PDSS1: variants seen among roughly 807,000 people sequenced by gnomAD.
PDSS1 encodes the protein decaprenyl diphosphate synthase subunit 1, also known as all trans-polyprenyl-diphosphate synthase PDSS1.
In PDSS1, 43 loss-of-function variants were observed where a neutral mutation model predicts 57.5. That is an observed-to-expected ratio of 0.75 (90% CI 0.59 to 0.96). PDSS1 has a LOEUF of 0.96. Among genes scored for constraint, PDSS1 ranks in the 50% least tolerant of loss-of-function variants. The pLI, the probability that PDSS1 is intolerant of heterozygous loss-of-function variation, is 0.00. For synonymous variants in PDSS1, 175 were observed against 191.3 expected (o/e 0.91, Z 0.70); for missense variants, 438 against 527.8 (o/e 0.83, Z 1.67).
Position 26,728,555 on chromosome 10 carries a change from G to A in PDSS1, c.831+4432G>A, listed in dbSNP as rs187107178. 6.9e-4 allele frequency among the ~76,000 whole-genome samples: 105 copies of A among 151,938 alleles called. 1 individual carries two copies. The highest frequency in any genetic ancestry group is 2.4e-3 in the African/African-American group (98 of 41,464). On this transcript the variant is annotated intron_variant, in intron 8 of 11. Transcript: ENST00000376215. ...AAATTACTATTTTAACCTATTTTGG[G>A]CAAAGTATTTTCAGATTATGTAAAT...
intron 8 of PDSS1, among the ~76,000 whole-genome samples, chr10:26,728,470 A>G (rs910053595): frequency 6.6e-6 from 1 of 151,984 alleles, no homozygotes; most frequent in Admixed American, 6.6e-5. Flanking sequence ...AGCCTGGGCA[A>G]CAAGAGTGAA....
intron 4 of PDSS1, 59 bp from the exon 5 acceptor site, chr10:26,709,579 C>T: frequency 1.7e-5 from 27 of 1,571,386 alleles, no homozygotes; most frequent in Non-Finnish European, 2.4e-5. Context: ...AAAAGAAATC[C>T]TGTTGGCTTT....
chr10:26,717,990 A>G (rs1835649572), intron 5 of PDSS1: 1 of 151,978 alleles, frequency 6.6e-6, no homozygotes, highest in African/African-American at 2.4e-5. Context: ...GTGGCTTAAA[A>G]CTCACCTGAA....
chr10:26,728,932 C>A (rs1836067280), intron 8 of PDSS1, among the ~76,000 whole-genome samples: 1 of 151,948 alleles, frequency 6.6e-6, no homozygotes, highest in South Asian at 2.1e-4. Context: ...GCGGCTGCCA[C>A]CATACCCGGA....
chr10:26,732,981 C>T (rs568101618), intron 8 of PDSS1, among the ~76,000 whole-genome samples: 14 of 152,118 alleles, frequency 9.2e-5, no homozygotes, highest in African/African-American at 2.7e-4. Flanking sequence ...TGGTGGCATA[C>T]GGAGGTTGAG....
At chr10:26,723,390 C>G (rs1350648627) in intron 6 of PDSS1, among the ~76,000 whole-genome samples, 1 of 152,136 alleles carries the variant, frequency 6.6e-6, no homozygotes, top group Non-Finnish European at 1.5e-5. Flanking sequence ...AAGCTGCTCT[C>G]CCTCTCCAGG....
chr10:26,737,264 C>G lies in PDSS1; in HGVS notation c.1026+1685C>G, dbSNP rs191039948. Among the ~76,000 whole-genome samples, 7 of 152,314 alleles carry G rather than the reference C, an allele frequency of 4.6e-5. No homozygotes were observed. In the East Asian group the frequency reaches 1.2e-3, roughly 25 times the overall value. On this transcript the variant is annotated intron_variant, in intron 10 of 11. Transcript: ENST00000376215. The stretch of plus-strand genomic sequence containing the variant: ...GAGTCCTACTTAAACCTTAAGGTGA[C>G]TGGGTGAGAGGAGGCTGGCCTCTTC...
intron 8 of PDSS1, among the ~76,000 whole-genome samples, chr10:26,731,234 G>A (rs1349455995): frequency 2.0e-5 from 3 of 152,138 alleles, no homozygotes; most frequent in Non-Finnish European, 4.4e-5. Context: ...CCAGCTACTC[G>A]GGAGGCTGAG....
intron 10 of PDSS1, among the ~76,000 whole-genome samples, chr10:26,736,730 A>G (rs3802609): frequency 0.62 from 94,959 of 151,994 alleles, 31,367 homozygotes; most frequent in African/African-American, 0.84. Flanking sequence ...AGGAACACCC[A>G]CCCTCATTAT....
At chr10:26,719,987 G>A in intron 5 of PDSS1, 1 of 584,294 alleles carries the variant, frequency 1.7e-6, no homozygotes, top group Non-Finnish European at 3.0e-6. Flanking sequence ...TTGGCTAATG[G>A]TACAATTTCT....
chr10:26,725,223 G>T (rs1023766907), intron 8 of PDSS1, among the ~76,000 whole-genome samples: 1 of 152,132 alleles, frequency 6.6e-6, no homozygotes, highest in Admixed American at 6.6e-5. Context: ...TGTAAGGGTC[G>T]CATGTCAATT....
rs1251759718 is a variant in PDSS1 at position 26,746,531 on chromosome 10, T to C, written c.*58T>C. ...ACCAGACTGTGCCTAAAGAATTTTG[T>C]GGAATACACTTTGTTTGCTTCATGT... On this transcript the variant is annotated 3_prime_UTR_variant, in exon 12 of 12. Transcript: ENST00000376215. 6.4e-7 allele frequency: 1 copy of C among 1,571,374 alleles called. No individual in the cohort carries two copies. Among genetic ancestry groups the C allele is most frequent in the East Asian group, 2.2e-5 (1 of 44,666 alleles).
At chr10:26,739,038 C>G (rs1268170518) in intron 10 of PDSS1, among the ~76,000 whole-genome samples, 1 of 151,978 alleles carries the variant, frequency 6.6e-6, no homozygotes, top group African/African-American at 2.4e-5. Context: ...TTAAAAAAAC[C>G]AAATCTTTCC....
intron 8 of PDSS1, among the ~76,000 whole-genome samples, chr10:26,727,325 TCTC>T: frequency 8.3e-6 from 1 of 121,002 alleles, no homozygotes; most frequent in South Asian, 2.3e-4. Context: ...GCCTTGTTTC[TCTC>T]TCTCTCTCTC....
At chr10:26,728,906 G>A (rs1053455398) in intron 8 of PDSS1, among the ~76,000 whole-genome samples, 1 of 150,396 alleles carries the variant, frequency 6.6e-6, no homozygotes, top group Non-Finnish European at 1.5e-5. Context: ...AGCCTCCTGA[G>A]TAGCTGGGAT....
intron 8 of PDSS1, among the ~76,000 whole-genome samples, chr10:26,730,089 T>C (rs547691584): frequency 1.3e-5 from 2 of 151,494 alleles, no homozygotes; most frequent in South Asian, 4.2e-4. Context: ...ATTTTTTGTA[T>C]TTTTAGTAGA....
chr10:26,732,699 A>G (rs12256438), intron 8 of PDSS1, among the ~76,000 whole-genome samples: 9,584 of 152,270 alleles, frequency 0.063, 810 homozygotes, highest in African/African-American at 0.19. Context: ...GGACGCTCAG[A>G]AATTGTTAGC....
chr10:26,716,663 C>T (rs1338021189), intron 5 of PDSS1, among the ~76,000 whole-genome samples: 1 of 151,938 alleles, frequency 6.6e-6, no homozygotes, highest in African/African-American at 2.4e-5. Context: ...TGCACTCTAG[C>T]CTGGGTGAAA....
At chr10:26,740,781 C>G in intron 10 of PDSS1, 1 of 433,684 alleles carries the variant, frequency 2.3e-6, no homozygotes, top group Admixed American at 2.5e-5. Context: ...AGCCTAAGAC[C>G]CCAGGGGCTA....
Sources: allele counts gnomAD v4.1 joint callset (sites outside exome capture counted in the v4.1 genomes callset), GRCh38; gene constraint gnomAD v4.1.1; transcripts MANE v1.5; gene names NCBI Gene and HGNC (gene_info 2026-07-23, HGNC 2026-07-21).